The following CCSER1 variants were observed in gnomAD, a reference collection of about 807,000 sequenced individuals.
The protein encoded by CCSER1 is coiled-coil serine rich protein 1.
A neutral mutation model predicts 82.0 loss-of-function variants in CCSER1; 41 were observed. That is an observed-to-expected ratio of 0.50 (90% CI 0.39 to 0.65). The LOEUF (loss-of-function observed/expected upper bound fraction) is 0.65, where lower values mean the gene tolerates loss of function less well. Ranked by LOEUF, CCSER1 falls within the 30% of genes least tolerant of loss-of-function variation. CCSER1 has a pLI of 0.00. For missense variants in CCSER1, 1,119 were observed against 1,064.2 expected, an observed-to-expected ratio of 1.05 and a Z score of -0.72; for synonymous variants, 414 against 383.9, an observed-to-expected ratio of 1.08 and a Z score of -0.92.
intron 7 of CCSER1, among the ~76,000 whole-genome samples, chr4:90,759,296 G>C (rs1750065900): frequency 6.6e-6 from 1 of 152,092 alleles, no homozygotes; most frequent in African/African-American, 2.4e-5. Flanking sequence ...ATTTATCTCT[G>C]AATCTGATTT....
At chr4:91,503,924 T>C (rs1578640968) in intron 10 of CCSER1, among the ~76,000 whole-genome samples, 2 of 152,256 alleles carry the variant, frequency 1.3e-5, no homozygotes, top group East Asian at 1.9e-4. Context: ...TATAATGGAG[T>C]TTAATAAGTA....
chr4:90,223,661 G>A (rs1742595284), intron 1 of CCSER1, among the ~76,000 whole-genome samples: 1 of 152,180 alleles, frequency 6.6e-6, no homozygotes, highest in African/African-American at 2.4e-5. Context: ...TTAATGGACT[G>A]TAACTGAAGG....
rs114072692 is a variant in CCSER1, at chr4:90,737,588, A to G, written c.2010+13597A>G. 9.2e-3 allele frequency among the ~76,000 whole-genome samples: 1,395 copies of G among 152,070 alleles called. 22 individuals are homozygous for G. Among genetic ancestry groups the G allele is most frequent in the African/African-American group, 0.032 (1,315 of 41,496 alleles). The stretch of plus-strand genomic sequence containing the variant: ...TAGTTTAATTATTAAATGTCTTGAG[A>G]TAGTCTTCTTTGGGTTAAACCTGCT... On this transcript the variant is annotated intron_variant, in intron 7 of 10. Transcript: ENST00000509176.
chr4:91,520,614 T>G (rs978236451), intron 10 of CCSER1, among the ~76,000 whole-genome samples: 4 of 152,218 alleles, frequency 2.6e-5, no homozygotes, highest in African/African-American at 9.6e-5. Context: ...TCCTTTACTT[T>G]TGCTCTTTGT....
chr4:90,641,634 TC>T (rs1412302983), intron 6 of CCSER1, among the ~76,000 whole-genome samples: 1 of 152,162 alleles, frequency 6.6e-6, no homozygotes, highest in Non-Finnish European at 1.5e-5. Flanking sequence ...TTTTGCCTAC[TC>T]CTATGCTGTC....
At chr4:91,473,311 T>A (rs1206555386) in intron 10 of CCSER1, among the ~76,000 whole-genome samples, 1 of 152,196 alleles carries the variant, frequency 6.6e-6, no homozygotes, top group Non-Finnish European at 1.5e-5. Context: ...TAAAACCTGG[T>A]GATGCCATGA....
chr4:91,301,008 A>G (rs1284638930), intron 10 of CCSER1, among the ~76,000 whole-genome samples: 3 of 151,912 alleles, frequency 2.0e-5, no homozygotes, highest in Non-Finnish European at 4.4e-5. Flanking sequence ...GATTAAATTT[A>G]GCTGAGAGGA....
intron 5 of CCSER1, among the ~76,000 whole-genome samples, chr4:90,474,706 C>T (rs1280904542): frequency 6.6e-6 from 1 of 152,164 alleles, no homozygotes; most frequent in African/African-American, 2.4e-5. Context: ...GACTGAGTGG[C>T]TACAGTGAGA....
chr4:90,257,581 A>G (rs1043956273), intron 1 of CCSER1, among the ~76,000 whole-genome samples: 3 of 145,500 alleles, frequency 2.1e-5, no homozygotes, highest in African/African-American at 7.6e-5. Flanking sequence ...ACATAGATAC[A>G]TAGATACTTA....
Position 91,158,047 on chromosome 4 carries a change from T to C in CCSER1, c.2217+72053T>C, listed in dbSNP as rs1484458443. 5.3e-5 allele frequency among the ~76,000 whole-genome samples: 8 copies of C among 152,132 alleles called. No homozygotes were observed. In the East Asian group the frequency reaches 5.8e-4, roughly 11 times the overall value. Reference sequence around the variant, plus strand: ...AACAAAATGTTGATTCTGATACTTATATCTAATGAGCCTACTGTCTTTGTG... The same window carrying C: ...AACAAAATGTTGATTCTGATACTTACATCTAATGAGCCTACTGTCTTTGTG... On this transcript the variant is annotated intron_variant, in intron 10 of 10. Transcript: ENST00000509176.
intron 7 of CCSER1, among the ~76,000 whole-genome samples, chr4:90,798,486 A>C (rs1756337451): frequency 6.6e-6 from 1 of 152,104 alleles, no homozygotes; most frequent in South Asian, 2.1e-4. Flanking sequence ...CATTTCAGCC[A>C]TCTCACCCTG....
intron 3 of CCSER1, among the ~76,000 whole-genome samples, chr4:90,360,719 A>T (rs1399262728): frequency 6.6e-6 from 1 of 151,700 alleles, no homozygotes; most frequent in Non-Finnish European, 1.5e-5. Context: ...TTGTTCATGG[A>T]TGTATTTCTG....
chr4:91,069,708 T>C, intron 9 of CCSER1, among the ~76,000 whole-genome samples: 1 of 152,168 alleles, frequency 6.6e-6, no homozygotes, highest in East Asian at 1.9e-4. Flanking sequence ...TTGATGTCTA[T>C]TTTAGAATCA....
intron 10 of CCSER1, among the ~76,000 whole-genome samples, chr4:91,346,030 G>A (rs1261817730): frequency 7.1e-6 from 1 of 139,970 alleles, no homozygotes; most frequent in Non-Finnish European, 1.5e-5. Context: ...GGGCTTGACA[G>A]CTCTTTTTTT....
chr4:90,184,700 G>C (rs1287881403), intron 1 of CCSER1, among the ~76,000 whole-genome samples: 3 of 152,058 alleles, frequency 2.0e-5, no homozygotes, highest in Non-Finnish European at 4.4e-5. Context: ...TGCAGATGGT[G>C]TGAAACACTT....
chr4:90,437,015 G>T (rs1052973725), intron 4 of CCSER1, among the ~76,000 whole-genome samples: 1 of 151,918 alleles, frequency 6.6e-6, no homozygotes, highest in Non-Finnish European at 1.5e-5. Flanking sequence ...TAGAGTTAGG[G>T]TTTCACCGTG....
chr4:91,118,294 T>C (rs1377814856), intron 10 of CCSER1, among the ~76,000 whole-genome samples: 1 of 150,682 alleles, frequency 6.6e-6, no homozygotes. Flanking sequence ...CTTTTTTTTT[T>C]TTTTTTTTTG....
At chr4:90,700,907 C>A (rs866066036) in intron 6 of CCSER1, among the ~76,000 whole-genome samples, 1 of 152,112 alleles carries the variant, frequency 6.6e-6, no homozygotes, top group Non-Finnish European at 1.5e-5. Flanking sequence ...GAGTAGACTG[C>A]AAAAATTTTC....
chr4:90,745,468 G>C (rs557441485), intron 7 of CCSER1, among the ~76,000 whole-genome samples: 2 of 152,104 alleles, frequency 1.3e-5, no homozygotes, highest in African/African-American at 4.8e-5. Flanking sequence ...GGCGGGAAGC[G>C]TTATTCTGCC....
Sources: gnomAD v4.1 joint callset for allele counts (sites outside exome capture counted in the v4.1 genomes callset) on GRCh38, gnomAD v4.1.1 for gene constraint, MANE v1.5 for transcripts, NCBI Gene and HGNC (gene_info 2026-07-23, HGNC 2026-07-21) for gene names.